Variants in DNAI7 observed in about 807,000 individuals in gnomAD.
DNAI7 encodes dynein axonemal intermediate chain 7.
DNAI7 carries 78 observed loss-of-function variants against 86.6 expected under a neutral mutation model. The observed-to-expected ratio is 0.90, with a 90% CI of 0.75 to 1.09. The LOEUF (loss-of-function observed/expected upper bound fraction) is 1.09. DNAI7 is among the 50% of genes least tolerant of loss of function. The pLI is 0.00. For missense variants in DNAI7, 753 were observed against 810.2 expected (o/e 0.93, Z 0.86); for synonymous variants, 274 against 273.0 (o/e 1.00, Z -0.04).
In DNAI7 at chr12:25,109,393, G is replaced by GT. The variant is rs202039518; in HGVS notation, c.1894-571dup. 1.1e-3 allele frequency among the ~76,000 whole-genome samples: 165 copies of GT among 150,912 alleles called. 1 individual carries two copies. The highest frequency in any genetic ancestry group is 1.9e-3 in the East Asian group (10 of 5,150). ...TTAATGTTAAAAGCCTCCATTTGTT[G>GT]TTTTTTTTAAGAGATGGGGGTCTCA... On this transcript the variant is annotated intron_variant, in intron 15 of 15. Coordinates refer to ENST00000395987, the MANE Select transcript of DNAI7 (RefSeq NM_018272.5).
chr12:25,120,039 G>C (rs1426514945), intron 11 of DNAI7, among the ~76,000 whole-genome samples: 1 of 152,090 alleles, frequency 6.6e-6, no homozygotes, highest in Admixed American at 6.6e-5. Flanking sequence ...GTGGTCTCAG[G>C]ACACTGTGAC....
Position 25,114,768 on chromosome 12 carries a change from T to C in DNAI7, c.1499A>G (p.Gln500Arg). The C allele has an allele frequency of 6.2e-7, 1 of 1,614,068 alleles. No homozygotes were observed. Residue 500 changes from glutamine (Q) to arginine (R), a missense_variant, in exon 13 of 16, where the codon CAA becomes CGA. Transcript: ENST00000395987. The stretch of plus-strand genomic sequence containing the variant: ...GTACGGCATGTTAATATGAGCATCT[T>C]GAATCAAGGTAACAGGGCCAAAGGT... Reference protein sequence around the residue: ...LDTFGPVTLIQDAHINMPYQS... With the variant: ...LDTFGPVTLIRDAHINMPYQS...
chr12:25,175,468 T>C (rs953304052), intron 2 of DNAI7, among the ~76,000 whole-genome samples: 2 of 152,100 alleles, frequency 1.3e-5, no homozygotes, highest in Non-Finnish European at 2.9e-5. Context: ...CAAGGGATTC[T>C]CCTGCCTCAG....
Position 25,187,561 on chromosome 12 carries a change from GAAAT to G in DNAI7, c.21+3049_21+3052del, listed in dbSNP as rs572391130. Among the ~76,000 whole-genome samples the G allele has an allele frequency of 6.5e-3, 991 of 152,236 alleles. 4 individuals are homozygous for G. Among genetic ancestry groups the G allele is most frequent in the Non-Finnish European group, 0.011 (723 of 68,012 alleles). On this transcript the variant is annotated intron_variant, in intron 2 of 15. Transcript: ENST00000395987. ...ATGCCTTGAACACTGCTAAATCAAT[GAAAT>G]AAATATTCTTCCATGTTTGCAAGAA... is the stretch of plus-strand genomic sequence containing the variant.
At chr12:25,118,497 A>G (rs1940645119) in intron 12 of DNAI7, among the ~76,000 whole-genome samples, 2 of 152,098 alleles carry the variant, frequency 1.3e-5, no homozygotes, top group African/African-American at 4.8e-5. Flanking sequence ...TCCTGACCTC[A>G]GGTGATCCAT....
chr12:25,150,112 A>AT (rs1243461893), intron 6 of DNAI7, among the ~76,000 whole-genome samples: 3 of 152,246 alleles, frequency 2.0e-5, no homozygotes, highest in Admixed American at 1.3e-4. Context: ...GCAAATCACC[A>AT]TTTTTCAATC....
chr12:25,162,316 T>C (rs922017628), intron 2 of DNAI7, among the ~76,000 whole-genome samples: 1 of 152,174 alleles, frequency 6.6e-6, no homozygotes, highest in Non-Finnish European at 1.5e-5. Context: ...ACAGGTGAAT[T>C]TGAATGAAGA....
At chr12:25,118,511 C>G (rs1362480247) in intron 12 of DNAI7, among the ~76,000 whole-genome samples, 1 of 152,120 alleles carries the variant, frequency 6.6e-6, no homozygotes, top group African/African-American at 2.4e-5. Flanking sequence ...GATCCATCTG[C>G]CTCGGCCTCC....
At chr12:25,113,938 GTTTTTTTTT>G (rs112532652) in intron 13 of DNAI7, among the ~76,000 whole-genome samples, 3 of 82,834 alleles carry the variant, frequency 3.6e-5, no homozygotes, top group South Asian at 4.7e-4. Flanking sequence ...TTCTTTCTGG[GTTTTTTTTT>G]TTTTTTTTTT....
rs1949380188 is a variant in DNAI7, at chr12:25,108,366, A to G, written c.*182T>C. 3 of 583,756 alleles carry G rather than the reference A, an allele frequency of 5.1e-6. No individual in the cohort carries two copies. The African/African-American group carries it at 5.6e-5, about 11-fold the overall frequency. 36.2% of individuals were successfully genotyped at this position (583,756 alleles called of 1,614,324 possible). On this transcript the variant is annotated 3_prime_UTR_variant, in exon 16 of 16. Coordinates refer to ENST00000395987, the MANE Select transcript of DNAI7 (RefSeq NM_018272.5). ...TGAAAGCTGAAATTCTTAACAGGCC[A>G]AGTATTCAAAGGAAAAAAAAATACT...
chr12:25,133,799 A>G (rs904439995), intron 9 of DNAI7, among the ~76,000 whole-genome samples: 5 of 152,210 alleles, frequency 3.3e-5, no homozygotes, highest in Non-Finnish European at 5.9e-5. Flanking sequence ...CTTTCTAGGC[A>G]ATCACCTGTC....
At chr12:25,166,852 T>G (rs1196963244) in intron 2 of DNAI7, among the ~76,000 whole-genome samples, 1 of 152,094 alleles carries the variant, frequency 6.6e-6, no homozygotes, top group East Asian at 1.9e-4. Context: ...CTCAATTCAC[T>G]CTCTACAGTT....
intron 3 of DNAI7, among the ~76,000 whole-genome samples, chr12:25,160,376 T>C (rs1053674078): frequency 2.6e-5 from 4 of 152,244 alleles, no homozygotes; most frequent in Admixed American, 2.6e-4. Flanking sequence ...TAAACTTAAC[T>C]TCTTCGTAAA....
At chr12:25,138,882 C>A (rs1359060046) in intron 9 of DNAI7, among the ~76,000 whole-genome samples, 27 of 141,752 alleles carry the variant, frequency 1.9e-4, no homozygotes, top group South Asian at 2.2e-4. Flanking sequence ...GAAATTGAAA[C>A]AAAAAAAAAA....
At chr12:25,116,082 T>TTC (rs1264493142) in intron 12 of DNAI7, among the ~76,000 whole-genome samples, 1 of 96,688 alleles carries the variant, frequency 1.0e-5, no homozygotes, top group Non-Finnish European at 2.6e-5. Context: ...CTGTATTTCT[T>TTC]TCTTTTTTTT....
At chr12:25,109,056 CCTATCATGTGTGAGGTACTGTT>C (rs1949539818) in intron 15 of DNAI7, among the ~76,000 whole-genome samples, 1 of 152,014 alleles carries the variant, frequency 6.6e-6, no homozygotes, top group African/African-American at 2.4e-5. Context: ...TTATTGAGTG[CCTATCATGTGTGAGGTACTGTT>C]CTAAGTGCTG....
chr12:25,192,921 G>A (rs10771183), intron 1 of DNAI7: 38,036 of 150,860 alleles, frequency 0.25, 5,204 homozygotes, highest in African/African-American at 0.36. Context: ...GTCAAAGTGG[G>A]AGAATCACTT....
At chr12:25,120,526 T>C (rs894874607) in intron 11 of DNAI7, among the ~76,000 whole-genome samples, 2 of 150,956 alleles carry the variant, frequency 1.3e-5, no homozygotes, top group African/African-American at 4.9e-5. Flanking sequence ...ATCGAGACCA[T>C]CCTGGCTAAC....
intron 6 of DNAI7, among the ~76,000 whole-genome samples, chr12:25,152,576 T>C (rs949525827): frequency 1.3e-5 from 2 of 152,252 alleles, no homozygotes; most frequent in African/African-American, 2.4e-5. Context: ...TCCTTTATAA[T>C]AAACCAGTAA....
Sources: allele counts gnomAD v4.1 joint callset (sites outside exome capture counted in the v4.1 genomes callset), GRCh38; gene constraint gnomAD v4.1.1; transcripts MANE v1.5; gene names NCBI Gene and HGNC (gene_info 2026-07-23, HGNC 2026-07-21).